TRAPPC9: variants seen among roughly 807,000 people sequenced by gnomAD.
TRAPPC9 encodes IKK2 binding protein.
TRAPPC9 carries 83 observed loss-of-function variants against 124.0 expected under a neutral mutation model. The observed-to-expected ratio is 0.67, with a 90% CI of 0.56 to 0.80. TRAPPC9 has a LOEUF of 0.80. Among genes scored for constraint, TRAPPC9 ranks in the 30% least tolerant of loss-of-function variants. The pLI is 0.00. For synonymous variants in TRAPPC9, 638 were observed against 617.5 expected (o/e 1.03, Z -0.49); for missense variants, 1,302 against 1,508.3 (o/e 0.86, Z 2.27).
chr8:139,795,602 A>G (rs1007344226), intron 21 of TRAPPC9, among the ~76,000 whole-genome samples: 1 of 152,146 alleles, frequency 6.6e-6, no homozygotes, highest in Non-Finnish European at 1.5e-5. Context: ...CAGTAAGCGG[A>G]CACTTTGATG....
At position 139,949,861 on chromosome 8, in the gene TRAPPC9, C is replaced by T. The variant is rs1834525297; in HGVS notation, c.2810+38865G>A. On this transcript the variant is annotated intron_variant, in intron 19 of 22. Transcript: ENST00000438773. ...CACAACTCTGTGAGTATCCTCAATA[C>T]CAATGAGTTAACGAGCTGTAAATAG... 2.0e-5 allele frequency among the ~76,000 whole-genome samples: 3 copies of T among 152,134 alleles called. No homozygotes were observed. The South Asian group carries it at 6.2e-4, about 32-fold the overall frequency.
chr8:140,207,027 G>A (rs954677556), intron 17 of TRAPPC9, among the ~76,000 whole-genome samples: 3 of 152,156 alleles, frequency 2.0e-5, no homozygotes, highest in African/African-American at 7.2e-5. Context: ...CAGTGCCAAC[G>A]ACTCCGCCCA....
Position 140,172,421 on chromosome 8 carries a change from A to G in TRAPPC9, c.2556+49038T>C, listed in dbSNP as rs532227090. On this transcript the variant is annotated intron_variant, in intron 17 of 22. Transcript: ENST00000438773. ...AGGGGGGTTAAACTACCTGTGGGCA[A>G]TGGAGGGGGGTTAAACTACCTCTGG... 1.4e-4 allele frequency among the ~76,000 whole-genome samples: 14 copies of G among 99,838 alleles called. 1 individual carries two copies. Among genetic ancestry groups the G allele is most frequent in the African/African-American group, 5.1e-4 (13 of 25,710 alleles). 65.5% of individuals were successfully genotyped at this position (99,838 alleles called of 152,430 possible).
At chr8:140,136,440 A>G (rs569906123) in intron 17 of TRAPPC9, among the ~76,000 whole-genome samples, 3 of 152,222 alleles carry the variant, frequency 2.0e-5, no homozygotes, top group Non-Finnish European at 2.9e-5. Flanking sequence ...GAGCACATAC[A>G]TGCATTTACT....
intron 21 of TRAPPC9, among the ~76,000 whole-genome samples, chr8:139,821,232 C>T (rs1411229791): frequency 6.6e-6 from 1 of 152,238 alleles, no homozygotes; most frequent in Non-Finnish European, 1.5e-5. Flanking sequence ...AGCCCAGCCT[C>T]TGGAGCAGCC....
At position 139,822,151 on chromosome 8, in the gene TRAPPC9, C is replaced by T. The variant is rs1016068161; in HGVS notation, c.3055+63728G>A. Among the ~76,000 whole-genome samples the T allele has an allele frequency of 2.0e-4, 31 of 152,278 alleles. No homozygotes were observed. In the East Asian group the frequency reaches 3.5e-3, roughly 17 times the overall value. Reference sequence around the variant, plus strand: ...ACCCATTACCTGGCGCTGAGCTGGGCCAGCTGTGGGCCAGGCCGTGGGGGA... The same window carrying T: ...ACCCATTACCTGGCGCTGAGCTGGGTCAGCTGTGGGCCAGGCCGTGGGGGA... On this transcript the variant is annotated intron_variant, in intron 21 of 22. Transcript: ENST00000438773.
chr8:140,002,106 C>A (rs935983624), intron 18 of TRAPPC9, among the ~76,000 whole-genome samples: 2 of 151,870 alleles, frequency 1.3e-5, no homozygotes, highest in African/African-American at 4.8e-5. Context: ...TTATCTAATA[C>A]CAAAACCAGA....
intron 21 of TRAPPC9, among the ~76,000 whole-genome samples, chr8:139,784,488 G>T (rs1026735610): frequency 6.6e-6 from 1 of 151,638 alleles, no homozygotes; most frequent in East Asian, 1.9e-4. Flanking sequence ...GCAGCAGAAT[G>T]GCCTGAACCC....
intron 9 of TRAPPC9, among the ~76,000 whole-genome samples, chr8:140,328,001 T>C (rs1423482672): frequency 6.6e-6 from 1 of 151,586 alleles, no homozygotes; most frequent in Non-Finnish European, 1.5e-5. Context: ...ACGCCTGTAA[T>C]CCCAGCACTT....
chr8:139,887,762 G>A (rs894589648), intron 20 of TRAPPC9, among the ~76,000 whole-genome samples: 38 of 152,162 alleles, frequency 2.5e-4, no homozygotes, highest in African/African-American at 8.5e-4. Flanking sequence ...CTGTTACTTG[G>A]CTTCAGCCCT....
At chr8:140,033,671 T>TG (rs1563706739) in intron 17 of TRAPPC9, among the ~76,000 whole-genome samples, 5 of 82,928 alleles carry the variant, frequency 6.0e-5, no homozygotes, top group Admixed American at 1.2e-4. Context: ...TTTTTTTTTT[T>TG]TTTTTTTTTT....
At chr8:139,859,245 G>A (rs965953482) in intron 21 of TRAPPC9, among the ~76,000 whole-genome samples, 4 of 151,866 alleles carry the variant, frequency 2.6e-5, no homozygotes, top group African/African-American at 7.3e-5. Context: ...GGGTCTCTCC[G>A]TTCCTGGACT....
intron 16 of TRAPPC9, among the ~76,000 whole-genome samples, chr8:140,224,548 C>T (rs2063404061): frequency 6.6e-6 from 1 of 152,150 alleles, no homozygotes; most frequent in South Asian, 2.1e-4. Flanking sequence ...GGTAGGGCCA[C>T]AAAGCAAAGG....
At chr8:139,818,663 C>T (rs1825034493) in intron 21 of TRAPPC9, among the ~76,000 whole-genome samples, 1 of 152,156 alleles carries the variant, frequency 6.6e-6, no homozygotes, top group South Asian at 2.1e-4. Context: ...GGTAACCTGA[C>T]TTTTAATATT....
chr8:140,358,174 G>C lies in TRAPPC9; in HGVS notation c.1495+1876C>G, dbSNP rs189487417. Among the ~76,000 whole-genome samples the C allele has an allele frequency of 2.8e-4, 42 of 152,282 alleles. No individual in the cohort carries two copies. The East Asian group carries it at 7.0e-3, about 25-fold the overall frequency. On this transcript the variant is annotated intron_variant, in intron 9 of 22. Transcript: ENST00000438773. ...TTCAACAGGTGCAGTGAGAAGATGG[G>C]CTTTATGAGGACTGCTTAATGTATA...
At chr8:140,218,447 T>A (rs1022396007) in intron 17 of TRAPPC9, among the ~76,000 whole-genome samples, 1 of 152,088 alleles carries the variant, frequency 6.6e-6, no homozygotes, top group African/African-American at 2.4e-5. Flanking sequence ...CATTTATTCA[T>A]GACAATCTCG....
At chr8:140,325,415 A>G (rs1242634468) in intron 9 of TRAPPC9, among the ~76,000 whole-genome samples, 1 of 152,226 alleles carries the variant, frequency 6.6e-6, no homozygotes, top group Non-Finnish European at 1.5e-5. Context: ...CCCCTAGAAG[A>G]GAAACACAGA....
At chr8:140,064,737 T>C (rs1842818151) in intron 17 of TRAPPC9, among the ~76,000 whole-genome samples, 1 of 152,208 alleles carries the variant, frequency 6.6e-6, no homozygotes, top group South Asian at 2.1e-4. Context: ...ACATTACTAA[T>C]TCCTGGCAAT....
At chr8:140,221,662 G>C in intron 16 of TRAPPC9, 79 bp from the exon 17 acceptor site, 1 of 1,522,774 alleles carries the variant, frequency 6.6e-7, no homozygotes, top group East Asian at 2.5e-5. Context: ...TGTTTGGGAC[G>C]GGTCTCGCTC....
Sources: allele counts gnomAD v4.1 joint callset (sites outside exome capture counted in the v4.1 genomes callset), GRCh38; gene constraint gnomAD v4.1.1; transcripts MANE v1.5; gene names NCBI Gene and HGNC (gene_info 2026-07-23, HGNC 2026-07-21).